Variants in RAP1GDS1 observed in about 807,000 individuals in gnomAD.
The protein encoded by RAP1GDS1 is RAP1, GTP-GDP dissociation stimulator 1.
In RAP1GDS1, 35 loss-of-function variants were observed where a neutral mutation model predicts 71.1. That is an observed-to-expected ratio of 0.49 (90% confidence interval 0.38 to 0.65). RAP1GDS1 has a LOEUF of 0.65. Among genes scored for constraint, RAP1GDS1 ranks in the 30% least tolerant of loss-of-function variants. The pLI, the probability that RAP1GDS1 is intolerant of heterozygous loss-of-function variation, is 0.00. For synonymous variants in RAP1GDS1, 229 were observed against 243.1 expected (o/e 0.94, Z 0.54); for missense variants, 663 against 706.1 (o/e 0.94, Z 0.69).
rs1442178210 is a variant in RAP1GDS1 at position 98,391,973 on chromosome 4, T to C, written c.530T>C (p.Ile177Thr). Residue 177 changes from isoleucine (I) to threonine (T), a missense_variant, in exon 6 of 15, where the codon ATC becomes ACC. Coordinates refer to ENST00000408927, the MANE Select transcript of RAP1GDS1 (RefSeq NM_001100427.2). ...NENDSLQAQL[I>T]NMGVIPTLVK... ...ACAGATTCGCTTCAAGCTCAGCTTA[T>C]CAATATGGGTGTTATTCCTACCTTA... The C allele has an allele frequency of 1.9e-6, 3 of 1,604,562 alleles. No homozygotes were observed. Among genetic ancestry groups the C allele is most frequent in the Non-Finnish European group, 2.6e-6 (3 of 1,175,912 alleles).
At chr4:98,340,387 A>G (rs1433834458) in intron 2 of RAP1GDS1, among the ~76,000 whole-genome samples, 2 of 152,164 alleles carry the variant, frequency 1.3e-5, no homozygotes, top group African/African-American at 2.4e-5. Flanking sequence ...GCTGTAGGTC[A>G]TTATCCTAAG....
chr4:98,402,575 T>C (rs1444278541), intron 6 of RAP1GDS1, among the ~76,000 whole-genome samples: 1 of 152,202 alleles, frequency 6.6e-6, no homozygotes, highest in African/African-American at 2.4e-5. Context: ...TTTTGTCATT[T>C]TGGAATAGAT....
intron 7 of RAP1GDS1, among the ~76,000 whole-genome samples, chr4:98,410,524 G>A (rs1045640585): frequency 1.3e-5 from 2 of 152,084 alleles, no homozygotes; most frequent in African/African-American, 4.8e-5. Flanking sequence ...ATACCCAGAA[G>A]CTTGTGCACA....
intron 4 of RAP1GDS1, among the ~76,000 whole-genome samples, chr4:98,356,149 G>T (rs1407951493): frequency 2.6e-5 from 4 of 152,012 alleles, no homozygotes; most frequent in Non-Finnish European, 5.9e-5. Flanking sequence ...TTTCAATTTG[G>T]AAAGAAATAA....
At chr4:98,334,784 G>A (rs1304551710) in intron 2 of RAP1GDS1, among the ~76,000 whole-genome samples, 1 of 151,282 alleles carries the variant, frequency 6.6e-6, no homozygotes, top group Non-Finnish European at 1.5e-5. Context: ...AGTTGTCATC[G>A]AGCTGTTATA....
chr4:98,284,270 G>A (rs986981639), intron 1 of RAP1GDS1, among the ~76,000 whole-genome samples: 12 of 152,106 alleles, frequency 7.9e-5, no homozygotes, highest in Non-Finnish European at 1.2e-4. Context: ...ACGTAATGCA[G>A]TTTGTTACCT....
At chr4:98,324,047 CT>C (rs1393116022) in intron 2 of RAP1GDS1, among the ~76,000 whole-genome samples, 2 of 151,116 alleles carry the variant, frequency 1.3e-5, no homozygotes, top group Non-Finnish European at 2.9e-5. Context: ...CCAAAATCTC[CT>C]TAAGCTGATA....
intron 2 of RAP1GDS1, among the ~76,000 whole-genome samples, chr4:98,315,074 T>G (rs1730751864): frequency 6.6e-6 from 1 of 152,212 alleles, no homozygotes; most frequent in African/African-American, 2.4e-5. Flanking sequence ...CCTTGTAGAA[T>G]GTATTTTTCT....
At chr4:98,323,108 G>A (rs1228562537) in intron 2 of RAP1GDS1, among the ~76,000 whole-genome samples, 1 of 150,730 alleles carries the variant, frequency 6.6e-6, no homozygotes, top group East Asian at 1.9e-4. Flanking sequence ...CGATCCCACA[G>A]AAATACAAAC....
In RAP1GDS1 at chr4:98,441,275, A is replaced by C. The variant is rs1020523053; in HGVS notation, c.1697-715A>C. Reference sequence around the variant, plus strand: ...TTAGACTTCACTCATCCCATATAACAGTTCTCAGAGTCCTAACAGGAATCC... The same window carrying C: ...TTAGACTTCACTCATCCCATATAACCGTTCTCAGAGTCCTAACAGGAATCC... On this transcript the variant is annotated intron_variant, in intron 14 of 14. Transcript: ENST00000408927. 14 of 905,968 alleles carry C rather than the reference A, an allele frequency of 1.5e-5. No homozygotes were observed. In the African/African-American group the frequency reaches 2.0e-4, roughly 13 times the overall value. The allele number at this position is 905,968 out of a possible 1,614,324, so 56.1% of individuals were successfully genotyped here.
chr4:98,379,424 A>G (rs986979257), intron 5 of RAP1GDS1: 23 of 287,670 alleles, frequency 8.0e-5, no homozygotes, highest in Non-Finnish European at 3.8e-5. Context: ...GTATGATTTA[A>G]GCATTCTTAC....
chr4:98,391,859 A>T, intron 5 of RAP1GDS1, 93 bp from the exon 6 acceptor site: 1 of 1,216,820 alleles, frequency 8.2e-7, no homozygotes, highest in Non-Finnish European at 1.1e-6. Context: ...TTGAGTTTCC[A>T]ATAGGGAAAA....
chr4:98,344,698 C>T (rs1735979871), intron 3 of RAP1GDS1, among the ~76,000 whole-genome samples: 1 of 152,164 alleles, frequency 6.6e-6, no homozygotes, highest in African/African-American at 2.4e-5. Flanking sequence ...TGATAAAGGG[C>T]ATATCACTAA....
At chr4:98,413,669 G>A (rs996781891) in intron 7 of RAP1GDS1, among the ~76,000 whole-genome samples, 167 of 151,882 alleles carry the variant, frequency 1.1e-3, no homozygotes, top group Non-Finnish European at 1.8e-3. Context: ...GAATAATGCC[G>A]CAATAAACAT....
Position 98,329,112 on chromosome 4 carries a change from A to G in RAP1GDS1, c.113-14027A>G, listed in dbSNP as rs529217785. ...TAACACAACCAGTGTATTTTATTGT[A>G]TCTTGATAGAAAAACAATAGATTTT... On this transcript the variant is annotated intron_variant, in intron 2 of 14. Coordinates refer to ENST00000408927, the MANE Select transcript of RAP1GDS1 (RefSeq NM_001100427.2). Among the ~76,000 whole-genome samples, 89 of 152,334 alleles carry G rather than the reference A, an allele frequency of 5.8e-4. 1 individual carries two copies. Among genetic ancestry groups the G allele is most frequent in the South Asian group, 4.1e-4 (2 of 4,830 alleles).
At chr4:98,299,662 T>C (rs561714436) in intron 2 of RAP1GDS1, among the ~76,000 whole-genome samples, 11 of 149,384 alleles carry the variant, frequency 7.4e-5, no homozygotes, top group Non-Finnish European at 1.3e-4. Context: ...TGAGACAGAG[T>C]CTCACTCTGT....
intron 14 of RAP1GDS1, 31 bp from the exon 15 acceptor site, chr4:98,441,957 CAG>C (rs1413018417): frequency 6.2e-7 from 1 of 1,609,942 alleles, no homozygotes. Context: ...AACAACCTAA[CAG>C]AATCATATCT....
At chr4:98,294,358 T>C (rs770390670) in intron 2 of RAP1GDS1, among the ~76,000 whole-genome samples, 1 of 152,148 alleles carries the variant, frequency 6.6e-6, no homozygotes. Flanking sequence ...ATATATGTTT[T>C]TTTTATTTTT....
intron 1 of RAP1GDS1, among the ~76,000 whole-genome samples, chr4:98,288,688 C>T (rs1726435469): frequency 6.6e-6 from 1 of 152,160 alleles, no homozygotes; most frequent in Non-Finnish European, 1.5e-5. Context: ...TCCTCTCGAG[C>T]ACCTGTTGTT....
Sources: allele counts gnomAD v4.1 joint callset (sites outside exome capture counted in the v4.1 genomes callset), GRCh38; gene constraint gnomAD v4.1.1; transcripts MANE v1.5; gene names NCBI Gene and HGNC (gene_info 2026-07-23, HGNC 2026-07-21).